Variants in FAXC observed in about 807,000 individuals in gnomAD.
FAXC encodes the protein failed axon connections homolog.
In FAXC, 10 loss-of-function variants were observed where a neutral mutation model predicts 41.9. The observed-to-expected ratio is 0.24, with a 90% CI of 0.15 to 0.41. The LOEUF is 0.41. FAXC is among the 10% of genes least tolerant of loss of function. The pLI, the probability that FAXC is intolerant of heterozygous loss-of-function variation, is 1.00. For missense variants in FAXC, 399 were observed against 510.9 expected (o/e 0.78, Z 2.11); for synonymous variants, 183 against 183.8 (o/e 1.00, Z 0.03).
At chr6:99,289,325 A>G (rs1325852844) in intron 5 of FAXC, among the ~76,000 whole-genome samples, 2 of 152,066 alleles carry the variant, frequency 1.3e-5, no homozygotes, top group African/African-American at 4.8e-5. Flanking sequence ...TTACGTGGGG[A>G]TACATCTCCA....
chr6:99,313,623 T>G (rs1005600103), intron 4 of FAXC, among the ~76,000 whole-genome samples: 2 of 152,222 alleles, frequency 1.3e-5, no homozygotes, highest in African/African-American at 4.8e-5. Context: ...AAAACTTTCC[T>G]AAGCTCAACA....
chr6:99,312,894 CT>C (rs1196154986), intron 4 of FAXC, among the ~76,000 whole-genome samples: 2 of 152,220 alleles, frequency 1.3e-5, no homozygotes, highest in African/African-American at 4.8e-5. Flanking sequence ...TCCCATACCT[CT>C]GCTGATACTC....
intron 4 of FAXC, among the ~76,000 whole-genome samples, chr6:99,294,453 G>C (rs1771395995): frequency 6.6e-6 from 1 of 152,212 alleles, no homozygotes; most frequent in Non-Finnish European, 1.5e-5. Flanking sequence ...GATTGTACCA[G>C]GCTCAACCCA....
chr6:99,314,247 A>G (rs1465860239), intron 4 of FAXC, among the ~76,000 whole-genome samples: 1 of 151,456 alleles, frequency 6.6e-6, no homozygotes, highest in African/African-American at 2.4e-5. Flanking sequence ...CCCTCTACAC[A>G]TACACATCAA....
At position 99,280,872 on chromosome 6, in the gene FAXC, T is replaced by G. The variant is rs1176005307; in HGVS notation, c.*292A>C. On this transcript the variant is annotated 3_prime_UTR_variant, in exon 6 of 6. Transcript: ENST00000389677. ...AAAACTATCAGCTGACAACCAGCTCTTACACCTGCTCTACCACACAATATT... is the reference window on the plus strand; with the variant it reads ...AAAACTATCAGCTGACAACCAGCTCGTACACCTGCTCTACCACACAATATT... 3.7e-6 allele frequency: 1 copy of G among 269,826 alleles called. No homozygotes were observed. Among genetic ancestry groups the G allele is most frequent in the African/African-American group, 2.2e-5 (1 of 45,648 alleles). 16.7% of individuals were successfully genotyped at this position (269,826 alleles called of 1,614,324 possible). A position where few individuals can be genotyped will look rare whatever the true frequency, so the allele number is the denominator to read the frequency against.
At chr6:99,303,100 C>A (rs1771776451) in intron 4 of FAXC, among the ~76,000 whole-genome samples, 1 of 152,136 alleles carries the variant, frequency 6.6e-6, no homozygotes. Flanking sequence ...GGGAGACATC[C>A]TCCAATGTTT....
chr6:99,300,325 T>C (rs1001271741), intron 4 of FAXC, among the ~76,000 whole-genome samples: 3 of 152,246 alleles, frequency 2.0e-5, no homozygotes, highest in African/African-American at 7.2e-5. Flanking sequence ...ATGAAAGATT[T>C]GCACCAGTGT....
intron 3 of FAXC, among the ~76,000 whole-genome samples, chr6:99,327,698 G>A (rs1235616670): frequency 6.6e-6 from 1 of 151,966 alleles, no homozygotes; most frequent in African/African-American, 2.4e-5. Flanking sequence ...GATACTATGT[G>A]GATGACCCTC....
At chr6:99,304,373 A>G (rs1771832331) in intron 4 of FAXC, among the ~76,000 whole-genome samples, 1 of 152,150 alleles carries the variant, frequency 6.6e-6, no homozygotes, top group Non-Finnish European at 1.5e-5. Context: ...TCCATGGAAG[A>G]ATCTTCTCCT....
At position 99,277,811 on chromosome 6, in the gene FAXC, GA is replaced by G. The variant is rs1474874179; in HGVS notation, c.*3352del. ...CCATCAAGGGCAACGTGGTGTAATG[GA>G]AAGAACCATATTGACCTCAGTTTTT... On this transcript the variant is annotated 3_prime_UTR_variant, in exon 6 of 6. Transcript: ENST00000389677. The G allele has an allele frequency of 1.3e-5, 2 of 152,178 alleles. No individual in the cohort carries two copies. Among genetic ancestry groups the G allele is most frequent in the Non-Finnish European group, 2.9e-5 (2 of 68,048 alleles). 9.4% of individuals were successfully genotyped at this position (152,178 alleles called of 1,614,324 possible). A position where few individuals can be genotyped will look rare whatever the true frequency, so the allele number is the denominator to read the frequency against.
At chr6:99,307,163 C>T (rs891546887) in intron 4 of FAXC, among the ~76,000 whole-genome samples, 3 of 152,088 alleles carry the variant, frequency 2.0e-5, no homozygotes, top group African/African-American at 7.2e-5. Context: ...TATTATTTAC[C>T]CTTTCAAGAG....
intron 1 of FAXC, among the ~76,000 whole-genome samples, chr6:99,344,711 C>T (rs1038514595): frequency 6.6e-6 from 1 of 152,172 alleles, no homozygotes; most frequent in Non-Finnish European, 1.5e-5. Flanking sequence ...TGTTCCAAGA[C>T]AGCACAAACT....
Position 99,275,066 on chromosome 6 carries a change from A to T in FAXC, c.*6098T>A, listed in dbSNP as rs573548998. 7.9e-5 allele frequency: 12 copies of T among 152,316 alleles called. No homozygotes were observed. The South Asian group carries it at 1.0e-3, about 13-fold the overall frequency. The allele number at this position is 152,316 out of a possible 1,614,324, so 9.4% of individuals were successfully genotyped here. ...TAGAAGCCATGGGGTAACTAAAAAC[A>T]AAAAAGGTATTAAATAAGGAAAAAA... On this transcript the variant is annotated 3_prime_UTR_variant, in exon 6 of 6. Transcript: ENST00000389677.
In FAXC at chr6:99,314,138, A is replaced by T. The variant is rs538515704; in HGVS notation, c.823+9306T>A. Among the ~76,000 whole-genome samples the T allele has an allele frequency of 3.9e-5, 6 of 152,214 alleles. No individual in the cohort carries two copies. In the South Asian group the frequency reaches 1.0e-3, roughly 26 times the overall value. ...TGCCTCAGCCTCCTGAGTACCCAGA[A>T]CTATAGACACGTGCCCCCACACCCA... is the stretch of plus-strand genomic sequence containing the variant. On this transcript the variant is annotated intron_variant, in intron 4 of 5. Transcript: ENST00000389677.
At chr6:99,301,776 C>T (rs1369086489) in intron 4 of FAXC, among the ~76,000 whole-genome samples, 2 of 152,200 alleles carry the variant, frequency 1.3e-5, no homozygotes, top group South Asian at 4.1e-4. Flanking sequence ...CAACTGAGAT[C>T]GGGTACTTGC....
intron 4 of FAXC, among the ~76,000 whole-genome samples, chr6:99,298,957 TAATTTA>T (rs1771597628): frequency 6.6e-6 from 1 of 152,154 alleles, no homozygotes; most frequent in African/African-American, 2.4e-5. Flanking sequence ...TTCTCTCCCA[TAATTTA>T]CTGGGTAGGG....
intron 4 of FAXC, among the ~76,000 whole-genome samples, chr6:99,306,860 G>C (rs539287947): frequency 9.2e-5 from 14 of 152,170 alleles, no homozygotes; most frequent in African/African-American, 3.4e-4. Flanking sequence ...GTGCTGGCAC[G>C]GAGTAAGTGC....
At chr6:99,287,397 T>C (rs1025024556) in intron 5 of FAXC, among the ~76,000 whole-genome samples, 5 of 152,158 alleles carry the variant, frequency 3.3e-5, no homozygotes, top group Admixed American at 2.6e-4. Context: ...TTTTCTATCT[T>C]TTCTAAATTT....
chr6:99,340,815 C>T (rs1392936405), intron 2 of FAXC, among the ~76,000 whole-genome samples: 2 of 151,704 alleles, frequency 1.3e-5, no homozygotes, highest in Non-Finnish European at 2.9e-5. Flanking sequence ...ATTACAGGTA[C>T]ACACCACCAC....
Sources: allele counts gnomAD v4.1 joint callset (sites outside exome capture counted in the v4.1 genomes callset), GRCh38; gene constraint gnomAD v4.1.1; transcripts MANE v1.5; gene names NCBI Gene and HGNC (gene_info 2026-07-23, HGNC 2026-07-21).